Variants in SCD5 observed in about 807,000 individuals in gnomAD.
SCD5 encodes the protein acyl-CoA-desaturase 4.
Under a neutral mutation model 30.4 loss-of-function variants are expected in SCD5, and 20 were observed. The observed-to-expected ratio is 0.66, with a 90% CI of 0.46 to 0.96. The LOEUF is 0.96. Ranked by LOEUF, SCD5 falls within the 40% of genes least tolerant of loss-of-function variation. SCD5 has a pLI of 0.00. For synonymous variants in SCD5, 173 were observed against 176.4 expected (o/e 0.98, Z 0.16); for missense variants, 381 against 443.3 (o/e 0.86, Z 1.26).
chr4:82,644,270 G>A (rs181287053), intron 3 of SCD5, among the ~76,000 whole-genome samples: 1 of 152,270 alleles, frequency 6.6e-6, no homozygotes, highest in East Asian at 1.9e-4. Context: ...TCTCCACTGA[G>A]ACTGTTCAAA....
intron 1 of SCD5, among the ~76,000 whole-genome samples, chr4:82,763,228 G>A (rs1318518232): frequency 2.0e-5 from 3 of 152,062 alleles, no homozygotes; most frequent in Admixed American, 6.5e-5. Context: ...AAGTGATTAC[G>A]TGGCCAGGCA....
intron 1 of SCD5, among the ~76,000 whole-genome samples, chr4:82,792,814 G>A (rs913665008): frequency 4.6e-5 from 7 of 152,216 alleles, no homozygotes; most frequent in Non-Finnish European, 1.0e-4. Flanking sequence ...CTCACAAACT[G>A]TAAAGAAACG....
intron 2 of SCD5, among the ~76,000 whole-genome samples, chr4:82,685,866 A>AT (rs1728692139): frequency 6.6e-6 from 1 of 152,136 alleles, no homozygotes; most frequent in African/African-American, 2.4e-5. Flanking sequence ...GATGCTGTAC[A>AT]TTATTTTTTT....
chr4:82,652,029 G>T (rs1231100032), intron 3 of SCD5, among the ~76,000 whole-genome samples: 1 of 152,208 alleles, frequency 6.6e-6, no homozygotes, highest in East Asian at 1.9e-4. Context: ...CTGGAGTGGG[G>T]CATGAGATTC....
chr4:82,684,556 G>C (rs1340746708), intron 2 of SCD5, among the ~76,000 whole-genome samples: 1 of 152,160 alleles, frequency 6.6e-6, no homozygotes, highest in Admixed American at 6.5e-5. Flanking sequence ...CCTGTGAATA[G>C]CATTTGTGTT....
At chr4:82,713,094 G>A (rs1720145468) in intron 1 of SCD5, among the ~76,000 whole-genome samples, 1 of 152,156 alleles carries the variant, frequency 6.6e-6, no homozygotes, top group Non-Finnish European at 1.5e-5. Context: ...TGCCGCATAT[G>A]AGCTGCAGAA....
chr4:82,667,127 C>T (rs981594154), intron 3 of SCD5, among the ~76,000 whole-genome samples: 5 of 152,074 alleles, frequency 3.3e-5, no homozygotes, highest in Non-Finnish European at 1.5e-5. Context: ...ATATGTTTAC[C>T]ATGCTAGTTA....
intron 1 of SCD5, among the ~76,000 whole-genome samples, chr4:82,707,221 A>G (rs1347807829): frequency 1.3e-5 from 2 of 152,254 alleles, no homozygotes; most frequent in African/African-American, 4.8e-5. Flanking sequence ...CAAGTAGCTC[A>G]TACCTCACAG....
At chr4:82,781,197 C>G (rs1721864100) in intron 1 of SCD5, among the ~76,000 whole-genome samples, 1 of 152,110 alleles carries the variant, frequency 6.6e-6, no homozygotes, top group Non-Finnish European at 1.5e-5. Context: ...GGCAGATTGC[C>G]TGAGCTCAGG....
intron 1 of SCD5, among the ~76,000 whole-genome samples, chr4:82,730,350 C>G (rs991340461): frequency 6.7e-6 from 1 of 149,642 alleles, no homozygotes; most frequent in African/African-American, 2.4e-5. Context: ...CAGCTGGAGT[C>G]CAGTGGCACG....
At chr4:82,694,306 C>A (rs1303890165) in intron 2 of SCD5, among the ~76,000 whole-genome samples, 1 of 152,226 alleles carries the variant, frequency 6.6e-6, no homozygotes, top group African/African-American at 2.4e-5. Context: ...ACGGTTCCCA[C>A]AGGCATCATG....
chr4:82,797,359 G>T (rs1417331378), intron 1 of SCD5, among the ~76,000 whole-genome samples: 1 of 152,158 alleles, frequency 6.6e-6, no homozygotes, highest in Non-Finnish European at 1.5e-5. Flanking sequence ...GGCTACTGCC[G>T]CTTCAGTAAA....
At chr4:82,729,434 T>G (rs1428557528) in intron 1 of SCD5, among the ~76,000 whole-genome samples, 1 of 152,148 alleles carries the variant, frequency 6.6e-6, no homozygotes, top group African/African-American at 2.4e-5. Context: ...TAAGCTCAAC[T>G]ATAAGCTTCC....
intron 1 of SCD5, among the ~76,000 whole-genome samples, chr4:82,796,965 C>T (rs1361250831): frequency 2.0e-5 from 3 of 152,144 alleles, no homozygotes; most frequent in Non-Finnish European, 4.4e-5. Flanking sequence ...TTTGGGGAGA[C>T]TTTAAAGGCT....
chr4:82,763,699 G>A (rs1721427026), intron 1 of SCD5, among the ~76,000 whole-genome samples: 1 of 152,262 alleles, frequency 6.6e-6, no homozygotes, highest in African/African-American at 2.4e-5. Flanking sequence ...TGCAAGCCAA[G>A]GAGAGGCTTC....
chr4:82,698,422 T>C (rs577386168), intron 2 of SCD5, among the ~76,000 whole-genome samples: 2 of 152,310 alleles, frequency 1.3e-5, no homozygotes, highest in Admixed American at 6.5e-5. Flanking sequence ...AGACCCAGCC[T>C]TGGGGGATGG....
At chr4:82,796,429 A>T (rs1280713749) in intron 1 of SCD5, among the ~76,000 whole-genome samples, 1 of 152,048 alleles carries the variant, frequency 6.6e-6, no homozygotes. Flanking sequence ...GGGGCCTGGG[A>T]GGTGTCCTCT....
At chr4:82,759,648 T>TTAAAAAA in intron 1 of SCD5, among the ~76,000 whole-genome samples, 1 of 125,580 alleles carries the variant, frequency 8.0e-6, no homozygotes, top group South Asian at 2.7e-4. Flanking sequence ...AACCCCGTCT[T>TTAAAAAA]AAAAAAAAAA....
intron 3 of SCD5, among the ~76,000 whole-genome samples, chr4:82,673,369 C>T (rs1728368715): frequency 6.6e-6 from 1 of 152,060 alleles, no homozygotes; most frequent in African/African-American, 2.4e-5. Flanking sequence ...TCCCACATAC[C>T]AGCACAAGTG....
Sources: gnomAD v4.1 joint callset for allele counts (sites outside exome capture counted in the v4.1 genomes callset) on GRCh38, gnomAD v4.1.1 for gene constraint, MANE v1.5 for transcripts, NCBI Gene and HGNC (gene_info 2026-07-23, HGNC 2026-07-21) for gene names.